The following EFHD2 variants were observed in gnomAD, a reference collection of about 807,000 sequenced individuals.
The protein encoded by EFHD2 is EF-hand domain-containing protein D2.
Under a neutral mutation model 20.3 loss-of-function variants are expected in EFHD2, and 12 were observed. That is an observed-to-expected ratio of 0.59 (90% CI 0.38 to 0.96). The LOEUF (loss-of-function observed/expected upper bound fraction) is 0.96. EFHD2 is among the 40% of genes least tolerant of loss of function. EFHD2 has a pLI of 0.00. For synonymous variants in EFHD2, 131 were observed against 143.9 expected, an observed-to-expected ratio of 0.91 and a Z score of 0.64; for missense variants, 250 against 334.3, an observed-to-expected ratio of 0.75 and a Z score of 1.97.
At chr1:15,417,671 G>A (rs900437768) in intron 1 of EFHD2, among the ~76,000 whole-genome samples, 3 of 152,206 alleles carry the variant, frequency 2.0e-5, no homozygotes, top group African/African-American at 7.2e-5. Context: ...GGTGAGCGCT[G>A]GGCTTTCCCT....
At chr1:15,425,711 C>T (rs1243270075) in intron 1 of EFHD2, among the ~76,000 whole-genome samples, 160 bp from the exon 2 acceptor site, 1 of 152,096 alleles carries the variant, frequency 6.6e-6, no homozygotes, top group East Asian at 1.9e-4. Flanking sequence ...GGAGCTGAGC[C>T]ACATATGGGT....
intron 1 of EFHD2, among the ~76,000 whole-genome samples, chr1:15,415,373 C>G (rs1391139948): frequency 6.6e-6 from 1 of 152,158 alleles, no homozygotes; most frequent in Non-Finnish European, 1.5e-5. Flanking sequence ...TGTGCCCCCT[C>G]CTTGTTAAAC....
Position 15,410,285 on chromosome 1 carries a change from T to G in EFHD2, c.308+6T>G. On this transcript the variant is annotated splice_donor_region_variant and intron_variant, in intron 1 of 3. Coordinates refer to ENST00000375980, the MANE Select transcript of EFHD2 (RefSeq NM_024329.6). ...ATGGAGAAGATGTTCAAGCAGTAAG[T>G]GCCCGCGCGACCCGGCCCCCCGCCC... 1 of 1,589,000 alleles carries G rather than the reference T, an allele frequency of 6.3e-7. No individual in the cohort carries two copies. The highest frequency in any genetic ancestry group is 8.5e-7 in the Non-Finnish European group (1 of 1,169,822).
In EFHD2 at chr1:15,412,884, AC is replaced by A. The variant is rs199948543; in HGVS notation, c.308+2609del. Among the ~76,000 whole-genome samples the A allele has an allele frequency of 5.3e-3, 803 of 152,208 alleles. 18 individuals are homozygous for A. The highest frequency in any genetic ancestry group is 0.047 in the Admixed American group (712 of 15,304). Reference sequence around the variant, plus strand: ...GAGGGGAGCTGGACCCCTCCAAGCTACCCCTTGGCACCTGCACTTCTTGCCA... The same window carrying A: ...GAGGGGAGCTGGACCCCTCCAAGCTACCCTTGGCACCTGCACTTCTTGCCA... On this transcript the variant is annotated intron_variant, in intron 1 of 3. Coordinates refer to ENST00000375980, the MANE Select transcript of EFHD2 (RefSeq NM_024329.6).
intron 1 of EFHD2, among the ~76,000 whole-genome samples, chr1:15,417,028 C>T (rs1301762854): frequency 6.6e-6 from 1 of 152,080 alleles, no homozygotes; most frequent in East Asian, 1.9e-4. Flanking sequence ...TCAGACTGGT[C>T]TCAAACTCCT....
Position 15,413,400 on chromosome 1 carries a change from C to T in EFHD2, c.308+3121C>T, listed in dbSNP as rs1053888837. On this transcript the variant is annotated intron_variant, in intron 1 of 3. Transcript: ENST00000375980. This position sits in a 1 kb window ranked among gnomAD's most constrained non-coding sequence, Gnocchi z 4.4. ...CCTGTAAAAGGGGCAGGCTATCCCT[C>T]ATGACCCCCAAAGGTCCTTCAGCCC... Among the ~76,000 whole-genome samples the T allele has an allele frequency of 5.9e-5, 9 of 152,172 alleles. No individual in the cohort carries two copies. Among genetic ancestry groups the T allele is most frequent in the Non-Finnish European group, 1.0e-4 (7 of 68,028 alleles).
intron 1 of EFHD2, among the ~76,000 whole-genome samples, chr1:15,418,472 A>G (rs549444207): frequency 6.0e-5 from 9 of 150,012 alleles, no homozygotes; most frequent in Admixed American, 4.7e-4. Context: ...CGCCCGGCTA[A>G]TTTTTTGTAT....
At chr1:15,428,272 C>G (rs1206106221) in intron 3 of EFHD2, among the ~76,000 whole-genome samples, 1 of 152,096 alleles carries the variant, frequency 6.6e-6, no homozygotes, top group Non-Finnish European at 1.5e-5. Flanking sequence ...GCGGGTGGAT[C>G]ACCTGAGGTC....
intron 1 of EFHD2, among the ~76,000 whole-genome samples, chr1:15,421,416 G>A (rs761572889): frequency 2.0e-5 from 3 of 152,124 alleles, no homozygotes; most frequent in South Asian, 4.1e-4. Context: ...CTGGCCTCTC[G>A]CAGCCCCCGT....
chr1:15,418,643 C>CCA (rs570832206), intron 1 of EFHD2, among the ~76,000 whole-genome samples: 3 of 152,142 alleles, frequency 2.0e-5, no homozygotes, highest in South Asian at 2.1e-4. Flanking sequence ...ATAGGCCCCC[C>CCA]CTTAAGTAAG....
intron 1 of EFHD2, among the ~76,000 whole-genome samples, chr1:15,412,941 G>A (rs1409452779): frequency 6.6e-6 from 1 of 152,204 alleles, no homozygotes; most frequent in Non-Finnish European, 1.5e-5. Flanking sequence ...GGGCAGGCAG[G>A]GGCCAGGAAG....
In EFHD2 at chr1:15,428,967, C is replaced by T. The variant is rs1297787781; in HGVS notation, c.*243C>T. 1.9e-5 allele frequency: 10 copies of T among 527,400 alleles called. No homozygotes were observed. Among genetic ancestry groups the T allele is most frequent in the Non-Finnish European group, 3.3e-5 (10 of 299,610 alleles). 32.7% of individuals were successfully genotyped at this position (527,400 alleles called of 1,614,324 possible). ...CCCTGCCCGGCCCGGCCCTCCCTGG[C>T]AATCCCTGGGCTCTCTTGCACCCCT... On this transcript the variant is annotated 3_prime_UTR_variant, in exon 4 of 4. Transcript: ENST00000375980.
At chr1:15,423,882 T>C (rs932118164) in intron 1 of EFHD2, among the ~76,000 whole-genome samples, 1 of 152,084 alleles carries the variant, frequency 6.6e-6, no homozygotes, top group African/African-American at 2.4e-5. Flanking sequence ...GCACAAGCCT[T>C]CTTTAGGTGC....
chr1:15,426,119 A>G lies in EFHD2; in HGVS notation c.456+101A>G. On this transcript the variant is annotated intron_variant, in intron 2 of 3. Transcript: ENST00000375980. The surrounding 1 kb of genome is among the most constrained non-coding windows in gnomAD (Gnocchi z 4.6). The stretch of plus-strand genomic sequence containing the variant: ...CCCACCCTTTGTCAATGAATGAATG[A>G]CATTGCCATTGAACAGCAGCTGTGA... 3.1e-6 allele frequency: 4 copies of G among 1,271,706 alleles called. No individual in the cohort carries two copies. Among genetic ancestry groups the G allele is most frequent in the South Asian group, 1.7e-5 (1 of 57,852 alleles). The allele number at this position is 1,271,706 out of a possible 1,614,324, so 78.8% of individuals were successfully genotyped here. A position where few individuals can be genotyped will look rare whatever the true frequency, so the allele number is the denominator to read the frequency against.
intron 1 of EFHD2, among the ~76,000 whole-genome samples, chr1:15,411,045 C>A (rs1265378183): frequency 6.6e-6 from 1 of 152,062 alleles, no homozygotes; most frequent in Non-Finnish European, 1.5e-5. Flanking sequence ...CTGGTGTAAA[C>A]CTCACTCCAG....
At chr1:15,414,653 C>G (rs1707621544) in intron 1 of EFHD2, among the ~76,000 whole-genome samples, 1 of 152,242 alleles carries the variant, frequency 6.6e-6, no homozygotes, top group African/African-American at 2.4e-5. Flanking sequence ...TGGCTGCCTC[C>G]ACTTAACCAC....
In EFHD2 at chr1:15,409,942, C is replaced by T. The variant is rs1338343646; in HGVS notation, c.-30C>T. The T allele has an allele frequency of 1.6e-6, 2 of 1,221,578 alleles. No individual in the cohort carries two copies. Among genetic ancestry groups the T allele is most frequent in the South Asian group, 3.8e-5 (1 of 26,198 alleles). 75.7% of individuals were successfully genotyped at this position (1,221,578 alleles called of 1,614,324 possible). Reference sequence around the variant, plus strand: ...GCGGCGCTGCGCTGAGAGCAGGGGCCCGGCCAAGGCGAGTGCCGCGCGGGC... The same window carrying T: ...GCGGCGCTGCGCTGAGAGCAGGGGCTCGGCCAAGGCGAGTGCCGCGCGGGC... On this transcript the variant is annotated 5_prime_UTR_variant, in exon 1 of 4. Transcript: ENST00000375980.
chr1:15,411,454 C>T (rs934120481), intron 1 of EFHD2, among the ~76,000 whole-genome samples: 23 of 152,212 alleles, frequency 1.5e-4, no homozygotes, highest in African/African-American at 5.3e-4. Flanking sequence ...CGGCCCATCC[C>T]TGGGTCCCAC....
intron 1 of EFHD2, among the ~76,000 whole-genome samples, chr1:15,417,328 G>C (rs1403563735): frequency 6.6e-6 from 1 of 152,156 alleles, no homozygotes; most frequent in Non-Finnish European, 1.5e-5. Flanking sequence ...GTTAATATTA[G>C]GCATTCAATA....
Sources: gnomAD v4.1 joint callset for allele counts (sites outside exome capture counted in the v4.1 genomes callset) on GRCh38, gnomAD v4.1.1 for gene constraint, Gnocchi (gnomAD v3.1) non-coding constraint, MANE v1.5 for transcripts, NCBI Gene and HGNC (gene_info 2026-07-23, HGNC 2026-07-21) for gene names.